The following MAST3 variants were observed in gnomAD, a reference collection of about 807,000 sequenced individuals.
The protein encoded by MAST3 is microtubule-associated serine/threonine-protein kinase 3.
MAST3 carries 43 observed loss-of-function variants against 127.0 expected under a neutral mutation model. The observed-to-expected ratio is 0.34, with a 90% confidence interval of 0.27 to 0.44. The LOEUF (loss-of-function observed/expected upper bound fraction) is 0.44, where lower values mean the gene tolerates loss of function less well. Among genes scored for constraint, MAST3 ranks in the 20% least tolerant of loss-of-function variants. MAST3 has a pLI of 1.00. For missense variants in MAST3, 1,390 were observed against 1,919.1 expected (o/e 0.72, Z 5.15); for synonymous variants, 785 against 809.2 (o/e 0.97, Z 0.51).
In MAST3 at chr19:18,150,211, C is replaced by T. The variant is rs1204999013; in HGVS notation, c.*485C>T. ...CCATGTTGGTCAGGCTGGTCTCGAACTCCTGACCTCATGATTTGCCTGCCT... is the reference window on the plus strand; with the variant it reads ...CCATGTTGGTCAGGCTGGTCTCGAATTCCTGACCTCATGATTTGCCTGCCT... On this transcript the variant is annotated 3_prime_UTR_variant, in exon 28 of 28. Transcript: ENST00000687212. 1 of 159,798 alleles carries T rather than the reference C, an allele frequency of 6.3e-6. No individual in the cohort carries two copies. The highest frequency in any genetic ancestry group is 2.4e-5 in the African/African-American group (1 of 41,464). 9.9% of individuals were successfully genotyped at this position (159,798 alleles called of 1,614,324 possible).
intron 14 of MAST3, among the ~76,000 whole-genome samples, chr19:18,130,960 G>A (rs1200076946): frequency 6.6e-6 from 1 of 152,222 alleles, no homozygotes; most frequent in Non-Finnish European, 1.5e-5. Context: ...GGGGGGAACT[G>A]ATGGGCAGAG....
intron 10 of MAST3, 105 bp from the exon 11 acceptor site, chr19:18,124,523 AGCGGGAGTGGAGAC>A: frequency 1.4e-6 from 2 of 1,393,728 alleles, no homozygotes. Context: ...CTAAGGAGGC[AGCGGGAGTGGAGAC>A]CCAGTGGGTG....
chr19:18,144,405 G>A lies in MAST3; in HGVS notation c.2585-61G>A. The A allele has an allele frequency of 3.5e-6, 5 of 1,410,208 alleles. No individual in the cohort carries two copies. Among genetic ancestry groups the A allele is most frequent in the Non-Finnish European group, 4.9e-6 (5 of 1,029,518 alleles). 87.4% of individuals were successfully genotyped at this position (1,410,208 alleles called of 1,614,324 possible). A position where few individuals can be genotyped will look rare whatever the true frequency, so the allele number is the denominator to read the frequency against. ...GTGACCAGGGAGGAAGGGCCTTAAG[G>A]TCCCTTTAGGACCACATGGTGAGTT... On this transcript the variant is annotated intron_variant, in intron 22 of 27. Coordinates refer to ENST00000687212, the MANE Select transcript of MAST3 (RefSeq NM_001393504.1). This position sits in a 1 kb window ranked among gnomAD's most constrained non-coding sequence, Gnocchi z 4.0.
intron 3 of MAST3, among the ~76,000 whole-genome samples, chr19:18,111,552 T>TTTTTG (rs2038638116): frequency 1.4e-5 from 2 of 137,932 alleles, no homozygotes; most frequent in Non-Finnish European, 3.2e-5. Context: ...TTTTTTTTTT[T>TTTTTG]GAGGCAGAGT....
chr19:18,128,745 G>T (rs951115171), intron 12 of MAST3, 121 bp from the exon 13 acceptor site: 2 of 772,174 alleles, frequency 2.6e-6, no homozygotes, highest in Admixed American at 2.3e-5. Flanking sequence ...CTGAGTTGGA[G>T]AAGTTTGGAC....
At position 18,141,377 on chromosome 19, in the gene MAST3, C is replaced by CTTTTTTTTCT. The variant is rs1555805381; in HGVS notation, c.2206-497_2206-496insCTTTTTTTTT. ...GGAATCACTGGACTAAGCCAGCTTT[C>CTTTTTTTTCT]TTTTTTTTTTTTTGAAACAGAGTCT... On this transcript the variant is annotated intron_variant, in intron 20 of 27. Transcript: ENST00000687212. Among the ~76,000 whole-genome samples the CTTTTTTTTCT allele has an allele frequency of 7.8e-4, 96 of 122,750 alleles. 4 individuals carry two copies. Among genetic ancestry groups the CTTTTTTTTCT allele is most frequent in the African/African-American group, 2.6e-3 (81 of 31,742 alleles). The allele number at this position is 122,750 out of a possible 152,430, so 80.5% of individuals were successfully genotyped here.
chr19:18,124,460 C>G, intron 10 of MAST3, 94 bp downstream of exon 10: 1 of 1,379,684 alleles, frequency 7.2e-7, no homozygotes, highest in South Asian at 1.3e-5. Context: ...CAGTTCCCAT[C>G]GTGTAGGGCT....
Position 18,137,944 on chromosome 19 carries a change from C to A in MAST3, c.2095+583C>A, listed in dbSNP as rs2042049050. Among the ~76,000 whole-genome samples, 3 of 152,158 alleles carry A rather than the reference C, an allele frequency of 2.0e-5. No individual in the cohort carries two copies. The South Asian group carries it at 6.2e-4, about 32-fold the overall frequency. ...TTTTGGCCAGGCGCAGTGGCTCAAG[C>A]CTTTAATCCCAGAACTTTGGGAGGC... is the stretch of plus-strand genomic sequence containing the variant. On this transcript the variant is annotated intron_variant, in intron 19 of 27. Coordinates refer to ENST00000687212, the MANE Select transcript of MAST3 (RefSeq NM_001393504.1).
rs1157445042 is a variant in MAST3, at chr19:18,145,745, T to C, written c.3042T>C (p.Ser1014=). The change falls in exon 25 of 28, where the codon AGT becomes AGC. Residue 1014 remains serine (S), a splice_region_variant and synonymous_variant. Coordinates refer to ENST00000687212, the MANE Select transcript of MAST3 (RefSeq NM_001393504.1). This position sits in a 1 kb window ranked among gnomAD's most constrained non-coding sequence, Gnocchi z 5.9. Reference sequence around the variant, plus strand: ...CCACCGTTCTCGTCTGCCCCCAGAGTGTGGAGGACGGAAGCCCCGCCCAGG... The same window carrying C: ...CCACCGTTCTCGTCTGCCCCCAGAGCGTGGAGGACGGAAGCCCCGCCCAGG... ...DVYTVHHVVW[S]VEDGSPAQEA... 6.3e-7 allele frequency: 1 copy of C among 1,585,628 alleles called. No homozygotes were observed. The highest frequency in any genetic ancestry group is 1.9e-5 in the Admixed American group (1 of 52,964).
At chr19:18,102,465 C>T (rs2037719164) in intron 1 of MAST3, among the ~76,000 whole-genome samples, 1 of 151,454 alleles carries the variant, frequency 6.6e-6, no homozygotes, top group Admixed American at 6.6e-5. Context: ...AGGCATGAGC[C>T]ACTGCGCCCG....
intron 11 of MAST3, among the ~76,000 whole-genome samples, chr19:18,125,374 G>A (rs1478501310): frequency 6.6e-6 from 1 of 152,204 alleles, no homozygotes; most frequent in Admixed American, 6.5e-5. Context: ...ACCAATTTCT[G>A]TGGCCTTTAC....
intron 3 of MAST3, among the ~76,000 whole-genome samples, chr19:18,116,014 G>C (rs1296513467): frequency 6.6e-6 from 1 of 152,068 alleles, no homozygotes; most frequent in Non-Finnish European, 1.5e-5. Flanking sequence ...TCCTCTGAGA[G>C]GCCTCCTGGC....
chr19:18,146,860 C>A, intron 25 of MAST3, 21 bp from the exon 26 acceptor site: 3 of 1,536,200 alleles, frequency 2.0e-6, no homozygotes, highest in Non-Finnish European at 2.6e-6. Context: ...CAGAGGCAAC[C>A]CCTCACCATC....
chr19:18,117,205 C>T (rs1318052387), intron 3 of MAST3, among the ~76,000 whole-genome samples: 6 of 152,126 alleles, frequency 3.9e-5, no homozygotes. Flanking sequence ...AAACAGAGGC[C>T]TGGAAGTTAG....
chr19:18,149,478 G>A lies in MAST3; in HGVS notation c.3796G>A (p.Gly1266Ser), dbSNP rs1220709294. Reference sequence around the variant, plus strand: ...CCGGGGCCAGTCAGCTGACAAGCTGGGCACAGGGGAGCGGCTGGATGGGGA... The same window carrying A: ...CCGGGGCCAGTCAGCTGACAAGCTGAGCACAGGGGAGCGGCTGGATGGGGA... ...LRRGQSADKL[G>S]TGERLDGEAG... Residue 1266 changes from glycine (G) to serine (S), a missense_variant, in exon 28 of 28, where the codon GGC becomes AGC. By Grantham distance (56) the Gly-to-Ser change is moderately conservative. Around this residue, in one of 5 missense-constraint regions of MAST3, gnomAD observed 816 missense variants for 934.1 expected, o/e 0.87. Coordinates refer to ENST00000687212, the MANE Select transcript of MAST3 (RefSeq NM_001393504.1). This position sits in a 1 kb window ranked among gnomAD's most constrained non-coding sequence, Gnocchi z 5.9. 10 of 1,543,472 alleles carry A rather than the reference G, an allele frequency of 6.5e-6. No homozygotes were observed. The highest frequency in any genetic ancestry group is 8.7e-6 in the Non-Finnish European group (10 of 1,144,868).
At chr19:18,139,824 CTTTTTTTT>C (rs1295033100) in intron 20 of MAST3, among the ~76,000 whole-genome samples, 1 of 144,204 alleles carries the variant, frequency 6.9e-6, no homozygotes, top group Non-Finnish European at 1.5e-5. Flanking sequence ...TTTTTTTTTT[CTTTTTTTT>C]TTTTTGAGAC....
Position 18,124,523 on chromosome 19 carries a change from A to G in MAST3, c.946-119A>G, listed in dbSNP as rs923896822. On this transcript the variant is annotated intron_variant, in intron 10 of 27. Transcript: ENST00000687212. ...CTAGCGTGGGCTTCCCTAAGGAGGC[A>G]GCGGGAGTGGAGACCCAGTGGGTGA... 13 of 1,393,610 alleles carry G rather than the reference A, an allele frequency of 9.3e-6. No individual in the cohort carries two copies. The East Asian group carries it at 2.0e-4, about 21-fold the overall frequency. The allele number at this position is 1,393,610 out of a possible 1,614,324, so 86.3% of individuals were successfully genotyped here.
intron 1 of MAST3, among the ~76,000 whole-genome samples, chr19:18,105,898 C>T (rs1269045992): frequency 2.0e-5 from 3 of 152,066 alleles, no homozygotes; most frequent in Admixed American, 6.6e-5. Context: ...AGGGCCCAAA[C>T]CTGCATAGGC....
chr19:18,141,749 T>G, intron 20 of MAST3, 133 bp from the exon 21 acceptor site: 1 of 598,930 alleles, frequency 1.7e-6, no homozygotes, highest in Non-Finnish European at 2.5e-6. Flanking sequence ...TGAGACAGGG[T>G]TTTGCTATGT....
Sources: gnomAD v4.1 joint callset for allele counts (sites outside exome capture counted in the v4.1 genomes callset) on GRCh38, gnomAD v4.1.1 for gene constraint, gnomAD v4.1.1 regional missense constraint, Gnocchi (gnomAD v3.1) non-coding constraint, MANE v1.5 for transcripts, NCBI Gene and HGNC (gene_info 2026-07-23, HGNC 2026-07-21) for gene names.